NPAS3: variants seen among roughly 807,000 people sequenced by gnomAD.
NPAS3 encodes the protein neuronal PAS domain protein 3.
In NPAS3, 14 loss-of-function variants were observed where a neutral mutation model predicts 73.1. The observed-to-expected ratio is 0.19, with a 90% CI of 0.13 to 0.30. NPAS3 has a LOEUF of 0.30. NPAS3 is among the 10% of genes least tolerant of loss of function. NPAS3 has a pLI of 1.00. For missense variants in NPAS3, 1,096 were observed against 1,250.0 expected (o/e 0.88, Z 1.86); for synonymous variants, 620 against 541.5 (o/e 1.14, Z -2.01).
At chr14:33,756,033 A>G (rs2062105650) in intron 7 of NPAS3, among the ~76,000 whole-genome samples, 1 of 152,194 alleles carries the variant, frequency 6.6e-6, no homozygotes, top group African/African-American at 2.4e-5. Context: ...ACCTCCCACT[A>G]GGTCCCACCT....
chr14:33,130,338 A>G (rs2139100858), intron 2 of NPAS3, among the ~76,000 whole-genome samples: 1 of 152,306 alleles, frequency 6.6e-6, no homozygotes, highest in South Asian at 2.1e-4. Flanking sequence ...AACTATCCTT[A>G]GAGCCAGGCA....
intron 5 of NPAS3, among the ~76,000 whole-genome samples, chr14:33,638,391 G>C (rs1360180918): frequency 6.6e-6 from 1 of 152,196 alleles, no homozygotes; most frequent in Admixed American, 6.5e-5. Flanking sequence ...TCAGCAACTA[G>C]TGGGTTTGAA....
At chr14:33,119,402 A>G (rs969417305) in intron 2 of NPAS3, among the ~76,000 whole-genome samples, 2 of 151,934 alleles carry the variant, frequency 1.3e-5, no homozygotes, top group Non-Finnish European at 2.9e-5. Flanking sequence ...CACTATTTTT[A>G]GTGGAGGAGG....
chr14:32,938,466 A>AGAGAGAGAGAAATG (rs2035776186), upstream of NPAS3, among the ~76,000 whole-genome samples: 1 of 129,216 alleles, frequency 7.7e-6, no homozygotes, highest in Non-Finnish European at 1.7e-5. Context: ...AAAGAGAGAG[A>AGAGAGAGAGAAATG]GAGAGAGAGA....
At chr14:33,163,810 G>A (rs1375452705) in intron 2 of NPAS3, among the ~76,000 whole-genome samples, 1 of 152,090 alleles carries the variant, frequency 6.6e-6, no homozygotes, top group Admixed American at 6.5e-5. Flanking sequence ...CAGGCCGAAT[G>A]TGCCAGGTAT....
At chr14:32,958,614 A>G (rs556315008) in intron 1 of NPAS3, among the ~76,000 whole-genome samples, 1 of 152,262 alleles carries the variant, frequency 6.6e-6, no homozygotes, top group East Asian at 1.9e-4. Context: ...TGACAACACC[A>G]GTTTCTCATT....
At chr14:33,025,819 C>G (rs934829874) in intron 1 of NPAS3, among the ~76,000 whole-genome samples, 4 of 152,060 alleles carry the variant, frequency 2.6e-5, no homozygotes, top group African/African-American at 9.7e-5. Flanking sequence ...TGAGGCCTCC[C>G]CAGAAGCAGA....
At chr14:33,051,278 C>T (rs1422619045) in intron 1 of NPAS3, among the ~76,000 whole-genome samples, 3 of 56,074 alleles carry the variant, frequency 5.4e-5, no homozygotes. Context: ...GAGACTCCGT[C>T]TCAAAAAAAA....
At chr14:33,210,312 TC>T (rs1433281287) in intron 2 of NPAS3, among the ~76,000 whole-genome samples, 2 of 152,214 alleles carry the variant, frequency 1.3e-5, no homozygotes, top group African/African-American at 4.8e-5. Context: ...GATTGCAAAT[TC>T]TTAGGCAGTT....
chr14:33,328,257 T>C (rs1356750659), intron 3 of NPAS3, among the ~76,000 whole-genome samples: 1 of 151,948 alleles, frequency 6.6e-6, no homozygotes, highest in Non-Finnish European at 1.5e-5. Flanking sequence ...GAGCTTCTTT[T>C]GTGGCTGTGG....
intron 3 of NPAS3, among the ~76,000 whole-genome samples, chr14:33,313,973 C>T (rs1329773573): frequency 6.6e-6 from 1 of 152,052 alleles, no homozygotes; most frequent in Non-Finnish European, 1.5e-5. Context: ...TTCCAATGTA[C>T]ATAGCCTAGG....
At chr14:33,259,308 A>G (rs1166128351) in intron 3 of NPAS3, among the ~76,000 whole-genome samples, 1 of 151,982 alleles carries the variant, frequency 6.6e-6, no homozygotes, top group East Asian at 1.9e-4. Context: ...TTTTCTCTGT[A>G]GAAGACTACA....
intron 6 of NPAS3, among the ~76,000 whole-genome samples, chr14:33,697,749 T>G (rs1333845596): frequency 6.6e-6 from 1 of 152,236 alleles, no homozygotes; most frequent in African/African-American, 2.4e-5. Flanking sequence ...ATGAATTTTC[T>G]TCCTTTTTTC....
chr14:32,972,704 A>G (rs1172683506), intron 1 of NPAS3, among the ~76,000 whole-genome samples: 1 of 152,156 alleles, frequency 6.6e-6, no homozygotes, highest in Non-Finnish European at 1.5e-5. Flanking sequence ...AAAGAGAAAC[A>G]CTTTGTCACA....
intron 1 of NPAS3, among the ~76,000 whole-genome samples, chr14:32,939,681 CAG>C (rs2035893790): frequency 6.7e-6 from 1 of 148,200 alleles, no homozygotes; most frequent in African/African-American, 2.5e-5. Flanking sequence ...AAGAAACAAA[CAG>C]ATGCGAAGGC....
In NPAS3 at chr14:33,800,164, C is replaced by G. The variant is rs201069504; in HGVS notation, c.1857C>G (p.Ser619Arg). The G allele has an allele frequency of 5.2e-4, 835 of 1,604,870 alleles. 7 individuals carry two copies. The Admixed American group carries it at 0.013, about 25-fold the overall frequency. ...GCGCCAGCCGCCGGCGCCTGTCCAG[C>G]GCGTCGAGCCCAGGCGGCCTGGACG... The change falls in exon 12 of 12, where the codon AGC becomes AGG. Residue 619 changes from serine to arginine, a missense_variant. Ser to Arg is a moderately radical substitution (Grantham distance 110, BLOSUM62 -1). Coordinates refer to ENST00000356141, the Ensembl canonical transcript of NPAS3. The surrounding 1 kb of genome is among the most constrained non-coding windows in gnomAD (Gnocchi z 6.5).
intron 2 of NPAS3, among the ~76,000 whole-genome samples, chr14:33,185,864 C>G (rs1257240707): frequency 6.6e-6 from 1 of 152,006 alleles, no homozygotes; most frequent in Non-Finnish European, 1.5e-5. Context: ...CTTTTTTTCC[C>G]CTACCAGTAA....
chr14:33,548,885 A>AC (rs1289595316), intron 4 of NPAS3, among the ~76,000 whole-genome samples: 8 of 152,368 alleles, frequency 5.3e-5, no homozygotes, highest in Middle Eastern at 3.4e-3. Context: ...GCACTCTGGA[A>AC]CAGAGGGAAA....
At chr14:33,628,337 T>C (rs957780370) in intron 5 of NPAS3, among the ~76,000 whole-genome samples, 1 of 152,240 alleles carries the variant, frequency 6.6e-6, no homozygotes, top group Non-Finnish European at 1.5e-5. Flanking sequence ...TTGTCAGATA[T>C]TCAGTATGCC....
Sources: allele counts gnomAD v4.1 joint callset (sites outside exome capture counted in the v4.1 genomes callset), GRCh38; gene constraint gnomAD v4.1.1; non-coding constraint Gnocchi (gnomAD v3.1); transcripts MANE v1.5; gene names NCBI Gene and HGNC (gene_info 2026-07-23, HGNC 2026-07-21).